Variants in POLD3 observed in about 807,000 individuals in gnomAD.
POLD3 encodes the protein DNA polymerase delta subunit 3.
POLD3 carries 19 observed loss-of-function variants against 58.2 expected under a neutral mutation model. The ratio of observed to expected loss-of-function variants is 0.33; its 90% CI spans 0.23 to 0.48. The LOEUF is 0.48. Ranked by LOEUF, POLD3 falls within the 20% of genes least tolerant of loss-of-function variation. The probability of loss-of-function intolerance (pLI) is 0.99; values close to 1 mark genes in which losing one functional copy is unlikely to be tolerated. For missense variants in POLD3, 504 were observed against 545.5 expected, an observed-to-expected ratio of 0.92 and a Z score of 0.76; for synonymous variants, 172 against 193.5, an observed-to-expected ratio of 0.89 and a Z score of 0.92.
rs546919400 is a variant in POLD3, at chr11:74,630,605, T to C, written c.1006+1282T>C. ...GGCAAATGCTGTATTTTCATTCCAT[T>C]GTCATTTATCAAAATGCTTTGGCCA... On this transcript the variant is annotated intron_variant, in intron 9 of 11. Coordinates refer to ENST00000263681, the MANE Select transcript of POLD3 (RefSeq NM_006591.3). Among the ~76,000 whole-genome samples, 6 of 152,318 alleles carry C rather than the reference T, an allele frequency of 3.9e-5. No individual in the cohort carries two copies. The South Asian group carries it at 1.2e-3, about 32-fold the overall frequency.
chr11:74,651,819 C>T (rs933198618), intron 4 of POLD3, among the ~76,000 whole-genome samples: 28 of 152,086 alleles, frequency 1.8e-4, no homozygotes, highest in Admixed American at 6.5e-5. Context: ...AGAACCTTGT[C>T]GGCTATGGTA....
intron 7 of POLD3, among the ~76,000 whole-genome samples, chr11:74,620,616 T>C (rs779208227): frequency 4.6e-5 from 7 of 152,202 alleles, no homozygotes; most frequent in Non-Finnish European, 1.0e-4. Context: ...AAAAATCTTT[T>C]TTGAGAAAGC....
chr11:74,659,712 C>T (rs977240843), intron 4 of POLD3, among the ~76,000 whole-genome samples: 5 of 152,188 alleles, frequency 3.3e-5, no homozygotes, highest in Admixed American at 3.3e-4. Context: ...TAACAAGAGT[C>T]ACCTTTGCTC....
chr11:74,667,548 ATGTC>A, intron 4 of POLD3, among the ~76,000 whole-genome samples: 8 of 151,776 alleles, frequency 5.3e-5, no homozygotes, highest in African/African-American at 1.9e-4. Flanking sequence ...GGTAAATTTT[ATGTC>A]ATGAATATTT....
chr11:74,655,688 A>G (rs1187446886), intron 4 of POLD3, among the ~76,000 whole-genome samples: 1 of 152,176 alleles, frequency 6.6e-6, no homozygotes, highest in Non-Finnish European at 1.5e-5. Context: ...CTTTTCAAAA[A>G]GTAGGAATAG....
rs1351262982 is a variant in POLD3 at position 74,634,674 on chromosome 11, G to A, written c.1098G>A (p.Glu366=). The A allele has an allele frequency of 6.2e-7, 1 of 1,606,366 alleles. No individual in the cohort carries two copies. The highest frequency in any genetic ancestry group is 8.5e-7 in the Non-Finnish European group (1 of 1,173,082). The change falls in exon 10 of 12, where the codon GAG becomes GAA. Residue 366 remains glutamate (E), a synonymous_variant. Transcript: ENST00000263681. ...CTCTTGAACCAGTGCCAAAGACTGA[G>A]CCTGAACCTCCTTCTGTCAAGGTAA... is the stretch of plus-strand genomic sequence containing the variant. ...SPPLEPVPKT[E]PEPPSVKSSS... is the part of the protein sequence containing the mutation.
At chr11:74,598,898 AGAAT>A (rs1159811775) in intron 2 of POLD3, among the ~76,000 whole-genome samples, 1 of 152,174 alleles carries the variant, frequency 6.6e-6, no homozygotes, top group African/African-American at 2.4e-5. Flanking sequence ...TCTCAATGAG[AGAAT>A]GTAGAAGAGC....
chr11:74,595,751 G>A (rs1332493641), intron 2 of POLD3, among the ~76,000 whole-genome samples: 7 of 152,216 alleles, frequency 4.6e-5, no homozygotes, highest in East Asian at 1.9e-4. Flanking sequence ...CCGAGTAGCC[G>A]GGACTACAGG....
At chr11:74,645,196 T>G (rs540834975), downstream of POLD3, among the ~76,000 whole-genome samples, 11 of 152,276 alleles carry the variant, frequency 7.2e-5, no homozygotes, top group Non-Finnish European at 1.3e-4. Context: ...AATAAAAGAT[T>G]TAAAGAAAGA....
At chr11:74,612,741 A>G in intron 4 of POLD3, 137 bp from the exon 5 acceptor site, 1 of 640,226 alleles carries the variant, frequency 1.6e-6, no homozygotes, top group Non-Finnish European at 2.7e-6. Context: ...TTCACTGTAT[A>G]TGTGGCTGTG....
chr11:74,629,350 A>G (rs1470213319), intron 9 of POLD3, 27 bp downstream of exon 9: 1 of 1,313,944 alleles, frequency 7.6e-7, no homozygotes, highest in Non-Finnish European at 1.1e-6. Flanking sequence ...ATTTTGGGTT[A>G]GGGGGATCAA....
At chr11:74,612,002 C>A (rs956909856) in intron 4 of POLD3, among the ~76,000 whole-genome samples, 1 of 152,242 alleles carries the variant, frequency 6.6e-6, no homozygotes, top group African/African-American at 2.4e-5. Context: ...TAATAACAGT[C>A]AGGGTCCTCA....
chr11:74,643,980 G>A (rs77274875), downstream of POLD3, among the ~76,000 whole-genome samples: 1,193 of 152,276 alleles, frequency 7.8e-3, 21 homozygotes, highest in African/African-American at 0.027. Context: ...ATAGATTTCT[G>A]TAGCAGAATC....
intron 4 of POLD3, among the ~76,000 whole-genome samples, chr11:74,655,372 C>T (rs2033120920): frequency 6.6e-6 from 1 of 152,260 alleles, no homozygotes; most frequent in Admixed American, 6.5e-5. Flanking sequence ...AAAGCAAAAA[C>T]AACCCCTAGA....
chr11:74,654,152 C>T (rs1486502932), intron 4 of POLD3, among the ~76,000 whole-genome samples: 1 of 152,178 alleles, frequency 6.6e-6, no homozygotes, highest in Admixed American at 6.5e-5. Flanking sequence ...CACATTTCAA[C>T]ATGAGGCTTT....
chr11:74,608,949 T>C (rs1399037475), intron 3 of POLD3, among the ~76,000 whole-genome samples: 5 of 152,208 alleles, frequency 3.3e-5, no homozygotes, highest in East Asian at 3.8e-4. Flanking sequence ...CTCAAACTTA[T>C]GGTTACACTT....
At chr11:74,604,484 C>G (rs142561716) in intron 2 of POLD3, 24 of 514,900 alleles carry the variant, frequency 4.7e-5, no homozygotes, top group Non-Finnish European at 7.6e-5. Context: ...ACTGTGCCAG[C>G]TCCAAACACA....
chr11:74,593,979 A>G (rs1286592380), intron 1 of POLD3, 82 bp from the exon 2 acceptor site: 1 of 752,194 alleles, frequency 1.3e-6, no homozygotes, highest in Non-Finnish European at 2.4e-6. Flanking sequence ...AAGAATAGGA[A>G]TCTTTAGCAA....
intron 4 of POLD3, among the ~76,000 whole-genome samples, chr11:74,611,958 G>A (rs1306372287): frequency 4.6e-5 from 7 of 152,152 alleles, no homozygotes; most frequent in African/African-American, 1.7e-4. Flanking sequence ...CAGTGCTACC[G>A]TTGGATTGTT....
Sources: gnomAD v4.1 joint callset for allele counts (sites outside exome capture counted in the v4.1 genomes callset) on GRCh38, gnomAD v4.1.1 for gene constraint, MANE v1.5 for transcripts, NCBI Gene and HGNC (gene_info 2026-07-23, HGNC 2026-07-21) for gene names.